Variants in MIAT observed in about 807,000 individuals in gnomAD.
MIAT encodes MI related novel mRNA.
chr22:26,653,644 T>C (rs1468612394), intron 2 of MIAT, among the ~76,000 whole-genome samples: 1 of 152,182 alleles, frequency 6.6e-6, no homozygotes, highest in Non-Finnish European at 1.5e-5. Context: ...GAAAGATTTA[T>C]AAAAGCATTG....
At chr22:26,647,371 G>T (rs943974440) in intron 2 of MIAT, 20 of 335,028 alleles carry the variant, frequency 6.0e-5, no homozygotes, top group African/African-American at 1.2e-4. Context: ...GGACGTGGGG[G>T]GTGGAGAGAG....
intron 2 of MIAT, among the ~76,000 whole-genome samples, chr22:26,661,934 A>ATC (rs1555948784): frequency 1.5e-4 from 4 of 26,576 alleles, no homozygotes; most frequent in Non-Finnish European, 2.6e-4. Context: ...ATATATATAT[A>ATC]TATATATATA....
downstream of MIAT, chr22:26,670,149 G>A: frequency 5.1e-6 from 2 of 395,600 alleles, no homozygotes; most frequent in Non-Finnish European, 8.9e-6. Context: ...TATTTTCCTA[G>A]TATCACTCTT....
rs576456106 is a variant in MIAT, at chr22:26,668,277, G to A, written n.2382G>A. 144 of 398,646 alleles carry A rather than the reference G, an allele frequency of 3.6e-4. 1 individual carries two copies. The South Asian group carries it at 0.016, about 43-fold the overall frequency. The allele number at this position is 398,646 out of a possible 1,614,324, so 24.7% of individuals were successfully genotyped here. A position where few individuals can be genotyped will look rare whatever the true frequency, so the allele number is the denominator to read the frequency against. On this transcript the variant is annotated non_coding_transcript_exon_variant, in exon 6 of 6. Transcript: ENST00000643270. ...TCAGACTCCGGTGGTTTTCTAGCCC[G>A]CTGGGTGACTCCCTGAAGATCTCAT...
chr22:26,667,570 C>T lies in MIAT; in HGVS notation n.2262+260C>T, dbSNP rs560587205. On this transcript the variant is annotated intron_variant and non_coding_transcript_variant, in intron 5 of 5. Transcript: ENST00000643270. ...CCTTGCCCTGTCTCTGCCCATGATG[C>T]TCCTGGAGCTTGCTATGGGCTCCCT... The T allele has an allele frequency of 1.5e-5, 5 of 325,490 alleles. No homozygotes were observed. In the South Asian group the frequency reaches 6.3e-4, roughly 41 times the overall value. 20.2% of individuals were successfully genotyped at this position (325,490 alleles called of 1,614,324 possible). A position where few individuals can be genotyped will look rare whatever the true frequency, so the allele number is the denominator to read the frequency against.
chr22:26,660,052 T>TCAC (rs1242536268), intron 2 of MIAT, among the ~76,000 whole-genome samples: 1 of 150,818 alleles, frequency 6.6e-6, no homozygotes, highest in Non-Finnish European at 1.5e-5. Context: ...GCCAGGCTGG[T>TCAC]CTCGAACTCC....
At chr22:26,649,601 C>A (rs1407852880) in intron 2 of MIAT, among the ~76,000 whole-genome samples, 2 of 152,196 alleles carry the variant, frequency 1.3e-5, no homozygotes, top group African/African-American at 4.8e-5. Flanking sequence ...CAGGGATCAT[C>A]CTTCAACCAT....
intron 2 of MIAT, among the ~76,000 whole-genome samples, chr22:26,652,853 G>T (rs139169400): frequency 6.6e-6 from 1 of 152,170 alleles, no homozygotes; most frequent in Non-Finnish European, 1.5e-5. Context: ...GTGGTATCAT[G>T]CAGAGCAGGA....
At chr22:26,665,929 G>A (rs1326060587) in exon 4 of MIAT, 1 of 398,500 alleles carries the variant, frequency 2.5e-6, no homozygotes, top group Non-Finnish European at 4.4e-6. Context: ...GAAGGAGGCT[G>A]GGGACTCCCT....
exon 3 of MIAT, chr22:26,663,361 G>A (rs1303949908): frequency 2.5e-6 from 1 of 398,532 alleles, no homozygotes; most frequent in Admixed American, 4.4e-5. Flanking sequence ...CGTTCATGTG[G>A]CCACCATGAC....
At chr22:26,667,359 T>TGTGTGTGTGTGTGTGTGCGC (rs1330930699) in intron 5 of MIAT, 1 of 395,592 alleles carries the variant, frequency 2.5e-6, no homozygotes, top group African/African-American at 2.1e-5. Flanking sequence ...TGTGTGCGTG[T>TGTGTGTGTGTGTGTGTGCGC]GCACATGTGT....
intron 2 of MIAT, among the ~76,000 whole-genome samples, chr22:26,654,504 C>A (rs531146694): frequency 6.6e-6 from 1 of 152,136 alleles, no homozygotes; most frequent in South Asian, 2.1e-4. Context: ...ATGTGTCATG[C>A]CAAATTATAT....
At chr22:26,671,371 A>T (rs1931038887), downstream of MIAT, 2 of 398,848 alleles carry the variant, frequency 5.0e-6, no homozygotes, top group Non-Finnish European at 8.8e-6. Context: ...GAGGCCTCTG[A>T]AGCTGCAGCT....
At chr22:26,656,850 G>A (rs1930473204) in intron 2 of MIAT, among the ~76,000 whole-genome samples, 1 of 152,062 alleles carries the variant, frequency 6.6e-6, no homozygotes, top group Non-Finnish European at 1.5e-5. Context: ...GGGGGGGTGC[G>A]GTGAGCTATG....
chr22:26,661,934 A>AGATC (rs1362164741), intron 2 of MIAT, among the ~76,000 whole-genome samples: 2 of 26,576 alleles, frequency 7.5e-5, no homozygotes, highest in Admixed American at 6.5e-4. Context: ...ATATATATAT[A>AGATC]TATATATATA....
intron 2 of MIAT, among the ~76,000 whole-genome samples, chr22:26,649,195 A>G (rs1486680058): frequency 6.6e-6 from 1 of 152,164 alleles, no homozygotes; most frequent in Non-Finnish European, 1.5e-5. Context: ...TCTCCGTTTT[A>G]CAGAAGAGGA....
At chr22:26,657,358 A>T (rs1452708046) in intron 2 of MIAT, 1 of 348,190 alleles carries the variant, frequency 2.9e-6, no homozygotes, top group Non-Finnish European at 4.8e-6. Context: ...GGCGCGGGTA[A>T]GGAGGGGTTG....
intron 2 of MIAT, among the ~76,000 whole-genome samples, chr22:26,653,797 T>C (rs547656953): frequency 6.6e-6 from 1 of 152,264 alleles, no homozygotes; most frequent in South Asian, 2.1e-4. Context: ...TGGAGTGTAG[T>C]GGTGCGATCT....
chr22:26,668,363 C>T (rs1208420134), exon 6 of MIAT: 3 of 398,606 alleles, frequency 7.5e-6, no homozygotes, highest in Non-Finnish European at 1.3e-5. Context: ...GGTTGATGCT[C>T]AGCAGATGAC....
Sources: gnomAD v4.1 joint callset for allele counts (sites outside exome capture counted in the v4.1 genomes callset) on GRCh38, gnomAD v4.1.1 for gene constraint, MANE v1.5 for transcripts, NCBI Gene and HGNC (gene_info 2026-07-23, HGNC 2026-07-21) for gene names.